The following BCL2L14 variants were observed in gnomAD, a reference collection of about 807,000 sequenced individuals.
BCL2L14 encodes the protein apoptosis facilitator Bcl-2-like protein 14.
BCL2L14 carries 27 observed loss-of-function variants against 35.3 expected under a neutral mutation model. The observed-to-expected ratio is 0.76, with a 90% CI of 0.56 to 1.05. The LOEUF is 1.05. Ranked by LOEUF, BCL2L14 falls within the 50% of genes least tolerant of loss-of-function variation. The pLI, the probability that BCL2L14 is intolerant of heterozygous loss-of-function variation, is 0.00. For synonymous variants in BCL2L14, 139 were observed against 145.9 expected, an observed-to-expected ratio of 0.95 and a Z score of 0.34; for missense variants, 377 against 382.6, an observed-to-expected ratio of 0.99 and a Z score of 0.12.
rs1948856238 is a variant in BCL2L14, at chr12:12,079,327, G to A, written c.22G>A (p.Asp8Asn). ...CAACATGTGTAGCACCAGTGGGTGT[G>A]ACCTGGAAGAAATCCCCCTAGATGA... MCSTSGC[D>N]LEEIPLDDDD... The change falls in exon 2 of 6, where the codon GAC becomes AAC. Residue 8 changes from aspartate (D) to asparagine (N), a missense_variant. By Grantham distance (23) the Asp-to-Asn change is conservative. Coordinates refer to ENST00000308721, the MANE Select transcript of BCL2L14 (RefSeq NM_138723.2). 1 of 1,613,960 alleles carries A rather than the reference G, an allele frequency of 6.2e-7. No individual in the cohort carries two copies. The highest frequency in any genetic ancestry group is 1.1e-5 in the South Asian group (1 of 91,018).
intron 1 of BCL2L14, among the ~76,000 whole-genome samples, chr12:12,050,793 T>TAAAAAAAAAAAAAAAAAAAAA (rs3052084): frequency 1.1e-4 from 10 of 88,292 alleles, no homozygotes; most frequent in African/African-American, 4.1e-4. Context: ...GCTGATGAGC[T>TAAAAAAAAAAAAAAAAAAAAA]AAAAAAAAAA....
intron 2 of BCL2L14, 140 bp from the exon 3 acceptor site, chr12:12,087,073 T>C (rs1949062095): frequency 1.4e-5 from 13 of 915,958 alleles, no homozygotes; most frequent in Middle Eastern, 2.6e-4. Context: ...TTCTGAAGAA[T>C]GACCCTCCCC....
At chr12:12,079,039 C>T (rs920077403) in intron 1 of BCL2L14, among the ~76,000 whole-genome samples, 4 of 152,222 alleles carry the variant, frequency 2.6e-5, no homozygotes, top group African/African-American at 9.6e-5. Context: ...TCATGATCTG[C>T]CCGCCTTGGC....
intron 2 of BCL2L14, among the ~76,000 whole-genome samples, chr12:12,062,756 G>T (rs542287926): frequency 6.6e-6 from 1 of 152,198 alleles, no homozygotes; most frequent in East Asian, 1.9e-4. Context: ...TAATTCCTCA[G>T]TTTAGCCTTC....
chr12:12,079,637 A>G lies in BCL2L14; in HGVS notation c.332A>G (p.Lys111Arg), dbSNP rs772117186. The change falls in exon 2 of 6, where the codon AAG becomes AGG. Residue 111 changes from lysine to arginine, a missense_variant. By Grantham distance (26) the Lys-to-Arg change is conservative. Coordinates refer to ENST00000308721, the MANE Select transcript of BCL2L14 (RefSeq NM_138723.2). Reference sequence around the variant, plus strand: ...GAAGATTCGCAGAGCACGCCTGCCAAGGTCTCTGCTCAGGGTCAAAGGACG... The same window carrying G: ...GAAGATTCGCAGAGCACGCCTGCCAGGGTCTCTGCTCAGGGTCAAAGGACG... ...EKEDSQSTPA[K>R]VSAQGQRTLE... The G allele has an allele frequency of 2.4e-5, 39 of 1,614,180 alleles. No homozygotes were observed. The highest frequency in any genetic ancestry group is 3.3e-5 in the Non-Finnish European group (39 of 1,180,034).
At chr12:12,087,731 T>C (rs888152) in intron 3 of BCL2L14, among the ~76,000 whole-genome samples, 121,229 of 152,198 alleles carry the variant, frequency 0.8, 48,495 homozygotes, top group African/African-American at 0.85. Context: ...CCAATTTGCA[T>C]CAGGTACAGT....
intron 2 of BCL2L14, among the ~76,000 whole-genome samples, chr12:12,052,980 G>A (rs1249477783): frequency 6.6e-6 from 1 of 152,186 alleles, no homozygotes; most frequent in African/African-American, 2.4e-5. Context: ...CATGAATTCA[G>A]TATTCTTGTT....
At chr12:12,054,215 A>G (rs992405443) in intron 2 of BCL2L14, among the ~76,000 whole-genome samples, 1 of 152,288 alleles carries the variant, frequency 6.6e-6, no homozygotes, top group East Asian at 1.9e-4. Flanking sequence ...TCAAAATCCA[A>G]TTAGGGGCTG....
At chr12:12,097,475 C>T (rs1487683663) in intron 5 of BCL2L14, among the ~76,000 whole-genome samples, 1 of 152,130 alleles carries the variant, frequency 6.6e-6, no homozygotes, top group Non-Finnish European at 1.5e-5. Flanking sequence ...TATGAAGTGT[C>T]CAGAATAGGC....
intron 1 of BCL2L14, among the ~76,000 whole-genome samples, chr12:12,078,725 A>G (rs2136746145): frequency 6.6e-6 from 1 of 152,116 alleles, no homozygotes; most frequent in South Asian, 2.1e-4. Flanking sequence ...AAGCTCACCT[A>G]TCCCTGCCTT....
chr12:12,095,759 T>C (rs1949300921), intron 5 of BCL2L14: 1 of 985,240 alleles, frequency 1.0e-6, no homozygotes, highest in Non-Finnish European at 1.2e-6. Flanking sequence ...CCACACAGCC[T>C]TGGTCTCTTT....
chr12:12,052,173 G>A (rs1948366735), intron 2 of BCL2L14, among the ~76,000 whole-genome samples: 1 of 152,150 alleles, frequency 6.6e-6, no homozygotes, highest in Admixed American at 6.5e-5. Flanking sequence ...GGTTTACAAT[G>A]TGGAATGATT....
chr12:12,080,619 CAAAA>C (rs36081910), intron 2 of BCL2L14, among the ~76,000 whole-genome samples: 2 of 95,378 alleles, frequency 2.1e-5, no homozygotes, highest in African/African-American at 3.6e-5. Context: ...GACTTTGTCT[CAAAA>C]AAAAAAAAAA....
rs575984342 is a variant in BCL2L14, at chr12:12,087,134, A to T, written c.434-79A>T. 5.0e-5 allele frequency: 75 copies of T among 1,486,934 alleles called. No individual in the cohort carries two copies. In the African/African-American group the frequency reaches 1.0e-3, roughly 20 times the overall value. The allele number at this position is 1,486,934 out of a possible 1,614,324, so 92.1% of individuals were successfully genotyped here. A position where few individuals can be genotyped will look rare whatever the true frequency, so the allele number is the denominator to read the frequency against. The stretch of plus-strand genomic sequence containing the variant: ...CCTTCTATTCTGGCCTGGTCTTTTC[A>T]TTCCAGGCAACTTTGCATACCAATG... On this transcript the variant is annotated intron_variant, in intron 2 of 5. Transcript: ENST00000308721.
chr12:12,088,287 T>C (rs1454729253), intron 3 of BCL2L14, among the ~76,000 whole-genome samples: 1 of 152,116 alleles, frequency 6.6e-6, no homozygotes, highest in East Asian at 1.9e-4. Flanking sequence ...GGAGGTGGTG[T>C]CTGATTTACA....
At chr12:12,096,967 C>T (rs990218722) in intron 5 of BCL2L14, among the ~76,000 whole-genome samples, 85 of 152,008 alleles carry the variant, frequency 5.6e-4, no homozygotes, top group Non-Finnish European at 7.9e-4. Flanking sequence ...CACGGTGAAA[C>T]CCCGTCTCTA....
chr12:12,091,638 A>G (rs1182963266), intron 4 of BCL2L14, among the ~76,000 whole-genome samples: 1 of 152,180 alleles, frequency 6.6e-6, no homozygotes, highest in East Asian at 1.9e-4. Flanking sequence ...GCTCCTGTCT[A>G]TAGCTTTGTC....
At chr12:12,067,947 T>C (rs1484831800), upstream of BCL2L14, among the ~76,000 whole-genome samples, 3 of 152,044 alleles carry the variant, frequency 2.0e-5, no homozygotes, top group Non-Finnish European at 4.4e-5. Context: ...GGACTTTTTT[T>C]TTTTGAGACA....
intron 2 of BCL2L14, 152 bp from the exon 3 acceptor site, chr12:12,087,061 C>A: frequency 1.2e-6 from 1 of 834,484 alleles, no homozygotes; most frequent in Non-Finnish European, 1.9e-6. Context: ...ACTTTCAGTC[C>A]TTTCTGAAGA....
Sources: allele counts gnomAD v4.1 joint callset (sites outside exome capture counted in the v4.1 genomes callset), GRCh38; gene constraint gnomAD v4.1.1; transcripts MANE v1.5; gene names NCBI Gene and HGNC (gene_info 2026-07-23, HGNC 2026-07-21).